ANK3: variants seen among roughly 807,000 people sequenced by gnomAD.
ANK3 encodes ankyrin 3.
ANK3 carries 57 observed loss-of-function variants against 370.9 expected under a neutral mutation model. The observed-to-expected ratio is 0.15, with a 90% CI of 0.12 to 0.19. The LOEUF is 0.19. Among genes scored for constraint, ANK3 ranks in the 10% least tolerant of loss-of-function variants. ANK3 has a pLI of 1.00. For synonymous variants in ANK3, 1,929 were observed against 1,946.3 expected, an observed-to-expected ratio of 0.99 and a Z score of 0.23; for missense variants, 4,439 against 5,302.1, an observed-to-expected ratio of 0.84 and a Z score of 5.06.
At chr10:60,327,197 C>T (rs552524881) in intron 1 of ANK3, among the ~76,000 whole-genome samples, 1 of 152,170 alleles carries the variant, frequency 6.6e-6, no homozygotes, top group South Asian at 2.1e-4. Flanking sequence ...TATGACCATC[C>T]TTCACTTCTA....
intron 2 of ANK3, among the ~76,000 whole-genome samples, chr10:60,549,842 A>G (rs1016586753): frequency 3.9e-5 from 6 of 152,306 alleles, no homozygotes; most frequent in African/African-American, 1.4e-4. Context: ...AAATGGCTTT[A>G]ATGCATGATG....
chr10:60,085,483 T>G (rs56141826), intron 30 of ANK3, among the ~76,000 whole-genome samples: 7,546 of 152,270 alleles, frequency 0.05, 588 homozygotes, highest in African/African-American at 0.17. Flanking sequence ...AAAAATTCCT[T>G]GTTTTTTGTC....
intron 13 of ANK3, among the ~76,000 whole-genome samples, chr10:60,199,832 T>A (rs573192481): frequency 4.3e-4 from 66 of 152,298 alleles, no homozygotes; most frequent in African/African-American, 1.4e-3. Context: ...CCACGGAGTG[T>A]GAAGAACTTT....
At chr10:60,294,160 T>C (rs189927593) in intron 1 of ANK3, among the ~76,000 whole-genome samples, 1 of 137,214 alleles carries the variant, frequency 7.3e-6, no homozygotes, top group African/African-American at 3.1e-5. Flanking sequence ...TTCCCAACAG[T>C]TTTTTTTTTA....
chr10:60,444,090 G>A (rs1394591729), intron 2 of ANK3, among the ~76,000 whole-genome samples: 1 of 151,780 alleles, frequency 6.6e-6, no homozygotes. Context: ...TATCTCAAAT[G>A]TTAGCATGGG....
intron 1 of ANK3, among the ~76,000 whole-genome samples, chr10:60,338,957 A>C (rs1415178889): frequency 6.6e-6 from 1 of 152,096 alleles, no homozygotes; most frequent in East Asian, 1.9e-4. Flanking sequence ...TGGGTCTGGA[A>C]GCCATGAAGT....
At chr10:60,647,375 A>G (rs2078722711) in intron 1 of ANK3, among the ~76,000 whole-genome samples, 1 of 152,200 alleles carries the variant, frequency 6.6e-6, no homozygotes, top group Admixed American at 6.5e-5. Context: ...TGTCCTCAGC[A>G]AAGTTTTATT....
intron 2 of ANK3, among the ~76,000 whole-genome samples, chr10:60,497,181 G>T (rs1465023684): frequency 6.6e-6 from 1 of 152,172 alleles, no homozygotes; most frequent in Middle Eastern, 3.4e-3. Flanking sequence ...GCATATGCCT[G>T]TGGTCCCCAG....
intron 1 of ANK3, among the ~76,000 whole-genome samples, chr10:60,334,728 G>A (rs373137776): frequency 5.9e-5 from 9 of 152,232 alleles, no homozygotes; most frequent in African/African-American, 2.2e-4. Flanking sequence ...CTAAAATTGA[G>A]AACAAGAGCC....
chr10:60,444,675 G>C (rs2064394255), intron 2 of ANK3, among the ~76,000 whole-genome samples: 1 of 152,058 alleles, frequency 6.6e-6, no homozygotes, highest in African/African-American at 2.4e-5. Context: ...TTTGTCACTA[G>C]AGGGAGTGGT....
chr10:60,544,274 C>T (rs756977403), intron 2 of ANK3, among the ~76,000 whole-genome samples: 1 of 151,926 alleles, frequency 6.6e-6, no homozygotes, highest in Non-Finnish European at 1.5e-5. Flanking sequence ...GAGATAATAC[C>T]CTTTAACTCA....
At chr10:60,263,713 C>T in intron 6 of ANK3, 122 bp downstream of exon 6, 3 of 1,123,300 alleles carry the variant, frequency 2.7e-6, no homozygotes, top group Non-Finnish European at 3.8e-6. Context: ...ACACATTGTT[C>T]CTCCCTTCAA....
At chr10:60,678,926 G>A (rs1384394002) in intron 1 of ANK3, among the ~76,000 whole-genome samples, 1 of 152,172 alleles carries the variant, frequency 6.6e-6, no homozygotes, top group Admixed American at 6.5e-5. Flanking sequence ...GTTTTAAAGG[G>A]TTGAATGGCT....
intron 43 of ANK3, 72 bp downstream of exon 43, chr10:60,042,600 C>A: frequency 7.2e-7 from 1 of 1,394,284 alleles, no homozygotes. Context: ...AAATCAGAAT[C>A]ACTTATTTAG....
chr10:60,241,427 T>C (rs1198294082), intron 7 of ANK3, among the ~76,000 whole-genome samples: 1 of 152,168 alleles, frequency 6.6e-6, no homozygotes, highest in East Asian at 1.9e-4. Flanking sequence ...ATAGAATACA[T>C]TAGCATTTGG....
At chr10:60,198,296 G>C (rs757474067) in intron 14 of ANK3, 44 bp downstream of exon 14, 2 of 1,593,684 alleles carry the variant, frequency 1.3e-6, no homozygotes, top group Non-Finnish European at 1.7e-6. Context: ...TAAGGAAGAT[G>C]TATTTGGGGG....
chr10:60,225,207 C>T (rs2097121325), intron 8 of ANK3, among the ~76,000 whole-genome samples: 2 of 152,144 alleles, frequency 1.3e-5, no homozygotes, highest in African/African-American at 4.8e-5. Flanking sequence ...GCCACCGCAC[C>T]CAGCCAGCAA....
At position 60,486,845 on chromosome 10, in the gene ANK3, A is replaced by G. The variant is rs959884112; in HGVS notation, c.96+128341T>C. 2.6e-5 allele frequency among the ~76,000 whole-genome samples: 4 copies of G among 152,308 alleles called. 1 individual carries two copies. Among genetic ancestry groups the G allele is most frequent in the Middle Eastern group, 6.8e-3 (2 of 294 alleles). The stretch of plus-strand genomic sequence containing the variant: ...AAAATGTGTCCCTCCAATTTTCTGT[A>G]GTATATACAGCAATGCAATTTTAAA... On this transcript the variant is annotated intron_variant, in intron 2 of 43. Coordinates refer to the ANK3 transcript ENST00000373827.
intron 1 of ANK3, among the ~76,000 whole-genome samples, chr10:60,375,858 T>C (rs1203157397): frequency 6.6e-6 from 1 of 152,222 alleles, no homozygotes; most frequent in African/African-American, 2.4e-5. Flanking sequence ...CTGATGACTA[T>C]CACTAAATAT....
Sources: allele counts gnomAD v4.1 joint callset (sites outside exome capture counted in the v4.1 genomes callset), GRCh38; gene constraint gnomAD v4.1.1; transcripts MANE v1.5; gene names NCBI Gene and HGNC (gene_info 2026-07-23, HGNC 2026-07-21).